The following CCDC171 variants were observed in gnomAD, a reference collection of about 807,000 sequenced individuals.
CCDC171 encodes coiled-coil domain-containing protein 171.
In CCDC171, 177 loss-of-function variants were observed where a neutral mutation model predicts 168.2. The ratio of observed to expected loss-of-function variants is 1.05; its 90% confidence interval spans 0.93 to 1.19. The LOEUF (loss-of-function observed/expected upper bound fraction) is 1.19, where lower values mean the gene tolerates loss of function less well. CCDC171 is among the 50% of genes most tolerant of loss of function. The pLI, the probability that CCDC171 is intolerant of heterozygous loss-of-function variation, is 0.00. For missense variants in CCDC171, 1,991 were observed against 1,539.0 expected, an observed-to-expected ratio of 1.29 and a Z score of -4.91; for synonymous variants, 687 against 540.8, an observed-to-expected ratio of 1.27 and a Z score of -3.75.
At chr9:15,599,047 C>T (rs2042615145) in intron 6 of CCDC171, among the ~76,000 whole-genome samples, 1 of 152,142 alleles carries the variant, frequency 6.6e-6, no homozygotes, top group African/African-American at 2.4e-5. Flanking sequence ...TGTGTCTCTG[C>T]ATGTGAGATG....
At chr9:16,060,093 G>C (rs1291515754) in intron 1 of CCDC171, among the ~76,000 whole-genome samples, 1 of 152,156 alleles carries the variant, frequency 6.6e-6, no homozygotes, top group Non-Finnish European at 1.5e-5. Flanking sequence ...AAATGTATAT[G>C]TATGTAAATT....
At chr9:15,715,558 C>T (rs2053017025) in intron 11 of CCDC171, among the ~76,000 whole-genome samples, 1 of 152,164 alleles carries the variant, frequency 6.6e-6, no homozygotes. Flanking sequence ...AAAAAATCAA[C>T]ACTAAACAAC....
chr9:16,003,753 C>T (rs1234823631), intron 3 of CCDC171, among the ~76,000 whole-genome samples: 2 of 152,140 alleles, frequency 1.3e-5, no homozygotes, highest in African/African-American at 4.8e-5. Flanking sequence ...CAAGTTTTCA[C>T]CCTTGACCAT....
chr9:15,764,262 C>T (rs527331191), intron 18 of CCDC171, among the ~76,000 whole-genome samples: 5 of 152,286 alleles, frequency 3.3e-5, no homozygotes, highest in East Asian at 1.9e-4. Context: ...GGGATACCAT[C>T]GGAAAGTTTT....
chr9:16,015,821 A>G (rs997790930), intron 3 of CCDC171, among the ~76,000 whole-genome samples: 1 of 152,164 alleles, frequency 6.6e-6, no homozygotes, highest in Non-Finnish European at 1.5e-5. Flanking sequence ...CTTTCTGTCT[A>G]TGAATTTTAC....
chr9:15,797,211 T>A (rs759270048), intron 21 of CCDC171, among the ~76,000 whole-genome samples: 1 of 152,148 alleles, frequency 6.6e-6, no homozygotes, highest in Non-Finnish European at 1.5e-5. Context: ...CCATGTGATA[T>A]TTGATTGATT....
chr9:15,904,512 C>T (rs1389990449), intron 24 of CCDC171, among the ~76,000 whole-genome samples: 1 of 151,712 alleles, frequency 6.6e-6, no homozygotes, highest in East Asian at 1.9e-4. Flanking sequence ...TAAAAGAGCT[C>T]CTGAAGGAAG....
intron 7 of CCDC171, among the ~76,000 whole-genome samples, chr9:15,648,635 A>T (rs1306421856): frequency 6.6e-6 from 1 of 152,184 alleles, no homozygotes; most frequent in Admixed American, 6.5e-5. Flanking sequence ...TCATGAGTGA[A>T]CTCCCATTCA....
At chr9:16,061,340 C>G (rs947624371), downstream of CCDC171, 1 of 152,182 alleles carries the variant, frequency 6.6e-6, no homozygotes, top group African/African-American at 2.4e-5. Context: ...TCCTTGAGCT[C>G]TAACACTCTG....
At chr9:15,695,371 G>C in intron 11 of CCDC171, 34 bp downstream of exon 11, 1 of 1,490,040 alleles carries the variant, frequency 6.7e-7, no homozygotes, top group South Asian at 1.1e-5. Flanking sequence ...AGATGCATCT[G>C]TCAATGTTCC....
intron 25 of CCDC171, among the ~76,000 whole-genome samples, chr9:15,933,457 A>G (rs1308858077): frequency 6.6e-6 from 1 of 151,858 alleles, no homozygotes; most frequent in East Asian, 1.9e-4. Context: ...CAAAAAACGA[A>G]TGCTTCAGTT....
intron 10 of CCDC171, among the ~76,000 whole-genome samples, chr9:15,686,736 C>G (rs1379822837): frequency 1.3e-5 from 2 of 152,058 alleles, no homozygotes; most frequent in Admixed American, 1.3e-4. Context: ...ATGTGTACAC[C>G]TAACAACAGA....
intron 10 of CCDC171, among the ~76,000 whole-genome samples, chr9:15,679,628 AAATCT>A (rs2049900834): frequency 6.6e-6 from 1 of 152,096 alleles, no homozygotes; most frequent in Non-Finnish European, 1.5e-5. Context: ...TAGCTCACTG[AAATCT>A]GCAGCTCCTG....
At chr9:15,821,347 CAGG>C (rs1265211003) in intron 21 of CCDC171, among the ~76,000 whole-genome samples, 2 of 116,668 alleles carry the variant, frequency 1.7e-5, no homozygotes, top group African/African-American at 6.5e-5. Flanking sequence ...GGCAATCAGG[CAGG>C]AGAAGGAAAT....
At chr9:15,695,661 C>T (rs553411493) in intron 11 of CCDC171, among the ~76,000 whole-genome samples, 6 of 152,204 alleles carry the variant, frequency 3.9e-5, no homozygotes, top group South Asian at 2.1e-4. Context: ...ACAGATGTTT[C>T]GATCAAACTG....
At chr9:15,629,474 A>C (rs904404807) in intron 7 of CCDC171, among the ~76,000 whole-genome samples, 1 of 152,214 alleles carries the variant, frequency 6.6e-6, no homozygotes, top group Non-Finnish European at 1.5e-5. Flanking sequence ...GGAAGTTTAG[A>C]GAAAAAAGAA....
chr9:15,971,679 T>C lies in CCDC171; in HGVS notation c.3824T>C (p.Ile1275Thr). 6.2e-7 allele frequency: 1 copy of C among 1,613,880 alleles called. No homozygotes were observed. The highest frequency in any genetic ancestry group is 2.2e-5 in the East Asian group (1 of 44,856). ...RAPLPADTTG[I>T]GDFLPLKAEL... is the part of the protein sequence containing the mutation. ...CCTCTTCCTGCTGACACAACTGGTA[T>C]TGGGGATTTCTTACCATTGAAAGCT... Residue 1275 changes from isoleucine to threonine, a missense_variant, in exon 26 of 26, where the codon ATT (isoleucine) becomes ACT (threonine). Transcript: ENST00000380701.
chr9:15,932,406 A>T (rs1393563252), intron 25 of CCDC171, among the ~76,000 whole-genome samples: 1 of 151,672 alleles, frequency 6.6e-6, no homozygotes, highest in Non-Finnish European at 1.5e-5. Flanking sequence ...TTTCTTTTTC[A>T]GATAGTTGAC....
intron 23 of CCDC171, among the ~76,000 whole-genome samples, chr9:15,859,405 A>G (rs772477927): frequency 5.3e-5 from 8 of 151,858 alleles, no homozygotes; most frequent in African/African-American, 1.2e-4. Flanking sequence ...GTCTCATAAA[A>G]TATATTTCGA....
Sources: allele counts gnomAD v4.1 joint callset (sites outside exome capture counted in the v4.1 genomes callset), GRCh38; gene constraint gnomAD v4.1.1; transcripts MANE v1.5; gene names NCBI Gene and HGNC (gene_info 2026-07-23, HGNC 2026-07-21).